The following CLPX variants were observed in gnomAD, a reference collection of about 807,000 sequenced individuals.
CLPX encodes the protein ATP-dependent clpX-like chaperone, mitochondrial.
A neutral mutation model predicts 76.4 loss-of-function variants in CLPX; 34 were observed. The observed-to-expected ratio is 0.45, with a 90% CI of 0.34 to 0.59. The LOEUF (loss-of-function observed/expected upper bound fraction) is 0.59. Ranked by LOEUF, CLPX falls within the 20% of genes least tolerant of loss-of-function variation. The probability of loss-of-function intolerance (pLI) is 0.01; values close to 1 mark genes in which losing one functional copy is unlikely to be tolerated. For missense variants in CLPX, 613 were observed against 757.0 expected (o/e 0.81, Z 2.23); for synonymous variants, 248 against 270.9 (o/e 0.92, Z 0.83).
chr15:65,167,823 G>A (rs775383430), intron 3 of CLPX, among the ~76,000 whole-genome samples: 3 of 151,898 alleles, frequency 2.0e-5, no homozygotes, highest in Non-Finnish European at 2.9e-5. Context: ...AGGAGGTGGA[G>A]GTTGCAGTGA....
chr15:65,173,723 C>T (rs2088045984), intron 3 of CLPX, among the ~76,000 whole-genome samples: 2 of 152,148 alleles, frequency 1.3e-5, no homozygotes, highest in African/African-American at 4.8e-5. Context: ...CTGATATATG[C>T]TGCAAACTGG....
At position 65,149,056 on chromosome 15, in the gene CLPX, G is replaced by A. The variant is rs551780048; in HGVS notation, c.*1767C>T. The A allele has an allele frequency of 8.5e-5, 13 of 152,224 alleles. No individual in the cohort carries two copies. Among genetic ancestry groups the A allele is most frequent in the African/African-American group, 3.1e-4 (13 of 41,516 alleles). The allele number at this position is 152,224 out of a possible 1,614,324, so 9.4% of individuals were successfully genotyped here. A position where few individuals can be genotyped will look rare whatever the true frequency, so the allele number is the denominator to read the frequency against. ...CCAAAGAATTAGACCAAAATGTTCA[G>A]CACCAAAAAACAAAACAAAAAAACT... On this transcript the variant is annotated 3_prime_UTR_variant, in exon 14 of 14. Coordinates refer to ENST00000300107, the MANE Select transcript of CLPX (RefSeq NM_006660.5).
intron 6 of CLPX, among the ~76,000 whole-genome samples, chr15:65,159,874 G>A (rs964350046): frequency 6.6e-6 from 1 of 150,544 alleles, no homozygotes; most frequent in African/African-American, 2.4e-5. Flanking sequence ...GTGCAGTGGT[G>A]CAATCTCAGC....
chr15:65,182,988 T>C (rs2088195815), intron 1 of CLPX, among the ~76,000 whole-genome samples: 1 of 148,080 alleles, frequency 6.8e-6, no homozygotes, highest in Non-Finnish European at 1.5e-5. Context: ...CATGGCAAAA[T>C]CCCGTCTCTA....
intron 6 of CLPX, among the ~76,000 whole-genome samples, chr15:65,159,811 C>CTT (rs879755107): frequency 8.5e-5 from 12 of 141,172 alleles, no homozygotes; most frequent in Non-Finnish European, 6.2e-5. Context: ...ATTTTCTTTT[C>CTT]TTTTTTTTTT....
At chr15:65,183,535 AAAGGAAAGAAAGACAGG>A (rs2088210065) in intron 1 of CLPX, among the ~76,000 whole-genome samples, 1 of 151,558 alleles carries the variant, frequency 6.6e-6, no homozygotes, top group Admixed American at 6.6e-5. Flanking sequence ...AGAAAGACAG[AAAGGAAAGAAAGACAGG>A]AAGGAAGGAA....
At chr15:65,173,411 A>C (rs771792459) in intron 3 of CLPX, among the ~76,000 whole-genome samples, 8 of 152,042 alleles carry the variant, frequency 5.3e-5, no homozygotes, top group Non-Finnish European at 5.9e-5. Flanking sequence ...CAAGTGGTAA[A>C]AAGGATGTGG....
Position 65,185,192 on chromosome 15 carries a change from C to A in CLPX, c.-39G>T. 6.6e-7 allele frequency: 1 copy of A among 1,513,358 alleles called. No homozygotes were observed. The highest frequency in any genetic ancestry group is 1.2e-5 in the South Asian group (1 of 82,876). The allele number at this position is 1,513,358 out of a possible 1,614,324, so 93.7% of individuals were successfully genotyped here. ...AGGCCGGGGCTTCGCCCCCTGAGGA[C>A]CTCCGGGTCACAGCGGCGTGAATCC... On this transcript the variant is annotated 5_prime_UTR_variant, in exon 1 of 14. Transcript: ENST00000300107.
In CLPX at chr15:65,166,804, ATAAG is replaced by A; in HGVS notation, c.359-23_359-20del. 6.2e-7 allele frequency: 1 copy of A among 1,601,802 alleles called. No homozygotes were observed. ...GTGGATGCTGTAAAAGAAAACAGAC[ATAAG>A]TAGAGGGAAATAAAAAATAATTCCA... On this transcript the variant is annotated intron_variant, in intron 3 of 13. Transcript: ENST00000300107.
intron 3 of CLPX, 84 bp from the exon 4 acceptor site, chr15:65,166,869 A>G: frequency 1.5e-6 from 2 of 1,349,306 alleles, no homozygotes; most frequent in Non-Finnish European, 2.0e-6. Context: ...CTGTAAATGA[A>G]AGCTACGCAC....
intron 6 of CLPX, 95 bp from the exon 7 acceptor site, chr15:65,158,846 A>G: frequency 9.6e-7 from 1 of 1,036,510 alleles, no homozygotes; most frequent in Non-Finnish European, 1.4e-6. Flanking sequence ...AAATATCGAC[A>G]TAGAAAAATT....
chr15:65,180,316 T>A, intron 1 of CLPX, 112 bp from the exon 2 acceptor site: 2 of 723,800 alleles, frequency 2.8e-6, no homozygotes, highest in Non-Finnish European at 2.1e-6. Context: ...ATTTTCACAG[T>A]AGTATAAACT....
intron 6 of CLPX, among the ~76,000 whole-genome samples, chr15:65,160,947 G>C (rs2087849170): frequency 6.6e-6 from 1 of 152,096 alleles, no homozygotes; most frequent in Admixed American, 6.6e-5. Context: ...TAGCTGCACA[G>C]AGCTCACCAG....
chr15:65,167,713 T>TTA (rs763073838), intron 3 of CLPX, among the ~76,000 whole-genome samples: 2 of 132,672 alleles, frequency 1.5e-5, no homozygotes, highest in Non-Finnish European at 3.2e-5. Flanking sequence ...CCGTCTCTAC[T>TTA]AAAAAAAAAA....
intron 1 of CLPX, 47 bp downstream of exon 1, chr15:65,185,028 C>T (rs747197323): frequency 4.2e-6 from 6 of 1,434,958 alleles, no homozygotes; most frequent in South Asian, 1.3e-5. Flanking sequence ...GCCAGTCCAC[C>T]CCCCCCCCGA....
intron 6 of CLPX, among the ~76,000 whole-genome samples, chr15:65,159,481 G>A (rs184189289): frequency 7.4e-4 from 112 of 152,210 alleles, no homozygotes; most frequent in African/African-American, 2.6e-3. Flanking sequence ...GTGATGGCAC[G>A]CGCCTATAGT....
intron 3 of CLPX, among the ~76,000 whole-genome samples, chr15:65,172,059 G>C (rs1354955623): frequency 6.6e-6 from 1 of 152,120 alleles, no homozygotes; most frequent in Admixed American, 6.5e-5. Context: ...GCAATGGCGC[G>C]ATCTCAGCTC....
chr15:65,173,971 A>G (rs2088050415), intron 3 of CLPX, among the ~76,000 whole-genome samples: 1 of 151,960 alleles, frequency 6.6e-6, no homozygotes, highest in Admixed American at 6.6e-5. Context: ...AACTTGGTAA[A>G]TATCTTTTTT....
chr15:65,155,190 T>A (rs1172370335), intron 10 of CLPX, 109 bp from the exon 11 acceptor site: 1 of 974,484 alleles, frequency 1.0e-6, no homozygotes, highest in East Asian at 2.6e-5. Context: ...ATGAAGAAGG[T>A]TTTATTATCA....
Sources: allele counts gnomAD v4.1 joint callset (sites outside exome capture counted in the v4.1 genomes callset), GRCh38; gene constraint gnomAD v4.1.1; transcripts MANE v1.5; gene names NCBI Gene and HGNC (gene_info 2026-07-23, HGNC 2026-07-21).